ERC2: variants seen among roughly 807,000 people sequenced by gnomAD.
ERC2 encodes ERC protein 2.
Under a neutral mutation model 114.8 loss-of-function variants are expected in ERC2, and 42 were observed. That is an observed-to-expected ratio of 0.37 (90% CI 0.29 to 0.47). ERC2 has a LOEUF of 0.47. Ranked by LOEUF, ERC2 falls within the 20% of genes least tolerant of loss-of-function variation. ERC2 has a pLI of 0.99. For synonymous variants in ERC2, 454 were observed against 425.5 expected, an observed-to-expected ratio of 1.07 and a Z score of -0.82; for missense variants, 939 against 1,150.7, an observed-to-expected ratio of 0.82 and a Z score of 2.66.
At chr3:55,621,656 T>G (rs976619465) in intron 17 of ERC2, among the ~76,000 whole-genome samples, 1 of 152,156 alleles carries the variant, frequency 6.6e-6, no homozygotes, top group Admixed American at 6.5e-5. Context: ...CACAGCAAAT[T>G]CTGGAAGCAC....
Position 56,202,756 on chromosome 3 carries a change from A to G in ERC2, c.1075-29236T>C, listed in dbSNP as rs535731965. On this transcript the variant is annotated intron_variant, in intron 3 of 17. Coordinates refer to ENST00000288221, the MANE Select transcript of ERC2 (RefSeq NM_015576.3). ...AGAAGTTAAACTCATAAAAACAGAC[A>G]GTAGAAGGGGACAAATTTTCAGTTA... Among the ~76,000 whole-genome samples the G allele has an allele frequency of 7.2e-5, 11 of 152,302 alleles. No homozygotes were observed. The South Asian group carries it at 2.1e-3, about 29-fold the overall frequency.
At chr3:55,732,278 C>T (rs1014720513) in intron 15 of ERC2, among the ~76,000 whole-genome samples, 5 of 152,126 alleles carry the variant, frequency 3.3e-5, no homozygotes, top group Non-Finnish European at 7.4e-5. Context: ...TTCTTAGAGT[C>T]ATTATCATTG....
intron 2 of ERC2, among the ~76,000 whole-genome samples, chr3:56,379,719 C>A (rs2059676943): frequency 6.6e-6 from 1 of 152,034 alleles, no homozygotes; most frequent in African/African-American, 2.4e-5. Context: ...AGAAAAGAAT[C>A]AAGAAAGTAT....
Position 55,755,992 on chromosome 3 carries a change from T to C in ERC2, c.2565-21074A>G, listed in dbSNP as rs1484031757. Among the ~76,000 whole-genome samples, 6 of 151,968 alleles carry C rather than the reference T, an allele frequency of 3.9e-5. No homozygotes were observed. The East Asian group carries it at 1.2e-3, about 29-fold the overall frequency. On this transcript the variant is annotated intron_variant, in intron 14 of 17. Coordinates refer to ENST00000288221, the MANE Select transcript of ERC2 (RefSeq NM_015576.3). Reference sequence around the variant, plus strand: ...AACAGCTTTTTTCCATTTTCGAAAATCTAAACTCGGGGCCAGACACAGAAC... The same window carrying C: ...AACAGCTTTTTTCCATTTTCGAAAACCTAAACTCGGGGCCAGACACAGAAC...
chr3:55,640,238 G>A (rs1005321817), intron 17 of ERC2, among the ~76,000 whole-genome samples: 1 of 152,162 alleles, frequency 6.6e-6, no homozygotes, highest in Non-Finnish European at 1.5e-5. Context: ...ATCTGTCTTT[G>A]TCAAGGAATG....
chr3:56,338,489 G>A (rs2057951551), intron 2 of ERC2, among the ~76,000 whole-genome samples: 3 of 152,270 alleles, frequency 2.0e-5, no homozygotes, highest in Admixed American at 2.0e-4. Flanking sequence ...GAGAAGATGG[G>A]CCTGCCACCT....
At chr3:56,379,083 T>C (rs1458003335) in intron 2 of ERC2, among the ~76,000 whole-genome samples, 1 of 152,238 alleles carries the variant, frequency 6.6e-6, no homozygotes, top group Non-Finnish European at 1.5e-5. Context: ...ACATTCTTTT[T>C]TGTTGTATTA....
intron 13 of ERC2, among the ~76,000 whole-genome samples, chr3:55,928,463 A>C (rs1402460103): frequency 2.0e-5 from 3 of 152,104 alleles, no homozygotes; most frequent in Non-Finnish European, 4.4e-5. Context: ...CGAATTATTC[A>C]ATTTTTTTCT....
chr3:56,246,239 A>G (rs1342654947), intron 3 of ERC2, among the ~76,000 whole-genome samples: 2 of 152,072 alleles, frequency 1.3e-5, no homozygotes, highest in African/African-American at 2.4e-5. Context: ...CCCAACCTCG[A>G]CATCATTGAC....
chr3:56,369,907 C>T (rs866206411), intron 2 of ERC2, among the ~76,000 whole-genome samples: 2 of 152,086 alleles, frequency 1.3e-5, no homozygotes, highest in African/African-American at 4.8e-5. Context: ...GATCTCTTGA[C>T]CTCATGATCC....
chr3:56,040,617 T>TAGATGTATATGTATATATACATATAG (rs2149658123), intron 7 of ERC2, among the ~76,000 whole-genome samples: 1 of 72,798 alleles, frequency 1.4e-5, no homozygotes, highest in Non-Finnish European at 2.9e-5. Context: ...ATATAATATA[T>TAGATGTATATGTATATATACATATAG]AGATGTATAT....
Position 55,960,929 on chromosome 3 carries a change from G to C in ERC2, c.2268-10369C>G, listed in dbSNP as rs145206845. Among the ~76,000 whole-genome samples, 339 of 152,380 alleles carry C rather than the reference G, an allele frequency of 2.2e-3. 1 individual carries two copies. Among genetic ancestry groups the C allele is most frequent in the Middle Eastern group, 6.8e-3 (2 of 294 alleles). On this transcript the variant is annotated intron_variant, in intron 12 of 17. Coordinates refer to ENST00000288221, the MANE Select transcript of ERC2 (RefSeq NM_015576.3). ...GGAGGTGGATCACCTGAGGTCAGGAGTTCGAGACAAGCCTGGCCAACATGG... is the reference window on the plus strand; with the variant it reads ...GGAGGTGGATCACCTGAGGTCAGGACTTCGAGACAAGCCTGGCCAACATGG...
intron 14 of ERC2, among the ~76,000 whole-genome samples, chr3:55,797,887 T>C (rs1017264550): frequency 1.3e-5 from 2 of 152,132 alleles, no homozygotes; most frequent in Non-Finnish European, 2.9e-5. Context: ...ATTTGAAGAA[T>C]CCAAATTAAA....
At chr3:55,944,736 A>G (rs1239855107) in intron 13 of ERC2, among the ~76,000 whole-genome samples, 2 of 152,240 alleles carry the variant, frequency 1.3e-5, no homozygotes, top group Non-Finnish European at 2.9e-5. Flanking sequence ...AGATTTTCTG[A>G]GACCGCCTAC....
intron 2 of ERC2, among the ~76,000 whole-genome samples, chr3:56,380,734 G>A (rs958479739): frequency 1.3e-5 from 2 of 152,166 alleles, no homozygotes; most frequent in African/African-American, 4.8e-5. Flanking sequence ...AGTGAGATAT[G>A]ACTAAAAATG....
intron 2 of ERC2, among the ~76,000 whole-genome samples, chr3:56,350,262 G>A (rs949885142): frequency 1.3e-5 from 2 of 152,176 alleles, no homozygotes; most frequent in African/African-American, 4.8e-5. Context: ...TTCAACAGGG[G>A]CTTATTGTCA....
At chr3:56,111,632 A>G (rs929041898) in intron 6 of ERC2, among the ~76,000 whole-genome samples, 1 of 152,188 alleles carries the variant, frequency 6.6e-6, no homozygotes, top group African/African-American at 2.4e-5. Context: ...TCATTATTAA[A>G]CCATCTAAGC....
At chr3:55,544,807 G>C (rs1043115075) in intron 17 of ERC2, among the ~76,000 whole-genome samples, 1 of 152,114 alleles carries the variant, frequency 6.6e-6, no homozygotes, top group African/African-American at 2.4e-5. Flanking sequence ...TGCCTGTTAC[G>C]TGCCTGACTC....
intron 12 of ERC2, among the ~76,000 whole-genome samples, chr3:55,952,161 ACACACACACACACACACACTCTCT>A (rs1173683830): frequency 1.5e-5 from 1 of 66,796 alleles, no homozygotes; most frequent in African/African-American, 4.8e-5. Flanking sequence ...ACACACACAC[ACACACACACACACACACACTCTCT>A]CTCTCTCTCT....
Sources: gnomAD v4.1 joint callset for allele counts (sites outside exome capture counted in the v4.1 genomes callset) on GRCh38, gnomAD v4.1.1 for gene constraint, MANE v1.5 for transcripts, NCBI Gene and HGNC (gene_info 2026-07-23, HGNC 2026-07-21) for gene names.